Variants in ARHGAP15 observed in about 807,000 individuals in gnomAD.
ARHGAP15 encodes rho GTPase-activating protein 15.
ARHGAP15 carries 51 observed loss-of-function variants against 63.7 expected under a neutral mutation model. The ratio of observed to expected loss-of-function variants is 0.80; its 90% CI spans 0.64 to 1.01. The LOEUF (loss-of-function observed/expected upper bound fraction) is 1.01, where lower values mean the gene tolerates loss of function less well. ARHGAP15 is among the 50% of genes least tolerant of loss of function. The probability of loss-of-function intolerance (pLI) is 0.00; values close to 1 mark genes in which losing one functional copy is unlikely to be tolerated. For missense variants in ARHGAP15, 560 were observed against 564.6 expected (o/e 0.99, Z 0.08); for synonymous variants, 191 against 193.8 (o/e 0.99, Z 0.12).
chr2:143,346,236 T>TCACACACA (rs1050451199), intron 6 of ARHGAP15, among the ~76,000 whole-genome samples: 1 of 82,546 alleles, frequency 1.2e-5, no homozygotes, highest in African/African-American at 4.9e-5. Context: ...ACACTCTCTC[T>TCACACACA]CACACACACA....
At chr2:143,377,709 G>T (rs1686878205) in intron 6 of ARHGAP15, among the ~76,000 whole-genome samples, 1 of 151,990 alleles carries the variant, frequency 6.6e-6, no homozygotes, top group African/African-American at 2.4e-5. Flanking sequence ...TTAATTTACA[G>T]CAATAAATTA....
chr2:143,236,007 AT>A, intron 5 of ARHGAP15: 4 of 1,538,412 alleles, frequency 2.6e-6, no homozygotes, highest in South Asian at 1.2e-5. Context: ...GCAAATCTCC[AT>A]TTTTGGTTAA....
At chr2:143,163,384 ATTTCT>A (rs1195374972) in intron 2 of ARHGAP15, among the ~76,000 whole-genome samples, 1 of 151,624 alleles carries the variant, frequency 6.6e-6, no homozygotes, top group Non-Finnish European at 1.5e-5. Flanking sequence ...ATACACACAC[ATTTCT>A]TTATTTATAT....
intron 6 of ARHGAP15, among the ~76,000 whole-genome samples, chr2:143,273,713 T>C (rs1681411444): frequency 6.6e-6 from 1 of 152,164 alleles, no homozygotes; most frequent in Non-Finnish European, 1.5e-5. Context: ...ATAAATCTCT[T>C]CTGCTAATCT....
chr2:143,217,186 G>A (rs1219794825), intron 4 of ARHGAP15, among the ~76,000 whole-genome samples: 2 of 152,046 alleles, frequency 1.3e-5, no homozygotes, highest in African/African-American at 4.8e-5. Context: ...AAATTAATAG[G>A]ATAAATGTAC....
intron 6 of ARHGAP15, among the ~76,000 whole-genome samples, chr2:143,392,856 TA>T (rs1442302445): frequency 6.6e-6 from 1 of 152,056 alleles, no homozygotes; most frequent in Non-Finnish European, 1.5e-5. Context: ...AATTGTTCAG[TA>T]ATTAGAAACT....
intron 6 of ARHGAP15, among the ~76,000 whole-genome samples, chr2:143,431,003 T>C (rs1015550871): frequency 3.3e-5 from 5 of 152,080 alleles, no homozygotes; most frequent in African/African-American, 9.7e-5. Context: ...TTCTAGGATT[T>C]GAAGGAGTTG....
chr2:143,316,274 A>T (rs1416082981), intron 6 of ARHGAP15, among the ~76,000 whole-genome samples: 2 of 151,882 alleles, frequency 1.3e-5, no homozygotes, highest in East Asian at 3.9e-4. Flanking sequence ...AACAAGCAGT[A>T]TTGACAACTG....
chr2:143,384,124 C>T (rs1390819338), intron 6 of ARHGAP15, among the ~76,000 whole-genome samples: 1 of 152,026 alleles, frequency 6.6e-6, no homozygotes, highest in Non-Finnish European at 1.5e-5. Flanking sequence ...GAAAAAGACT[C>T]TTAAGAATTT....
At chr2:143,665,871 G>C (rs1284163871) in intron 12 of ARHGAP15, among the ~76,000 whole-genome samples, 5 of 145,346 alleles carry the variant, frequency 3.4e-5, no homozygotes, top group Admixed American at 1.4e-4. Context: ...GGGATGTGAA[G>C]GACCTCTTCA....
intron 13 of ARHGAP15, among the ~76,000 whole-genome samples, chr2:143,744,993 G>A (rs1052068366): frequency 8.6e-5 from 13 of 151,978 alleles, no homozygotes; most frequent in African/African-American, 9.7e-5. Flanking sequence ...TCTAAAATCC[G>A]CTTCAAATAT....
chr2:143,609,683 GC>G (rs1467449136), intron 11 of ARHGAP15, among the ~76,000 whole-genome samples: 7 of 151,760 alleles, frequency 4.6e-5, no homozygotes, highest in African/African-American at 1.2e-4. Flanking sequence ...TCTTCTCTTT[GC>G]CCCCCCACCT....
intron 9 of ARHGAP15, among the ~76,000 whole-genome samples, chr2:143,490,503 C>G (rs1298650419): frequency 1.3e-5 from 2 of 152,184 alleles, no homozygotes; most frequent in Admixed American, 6.5e-5. Flanking sequence ...ATCACACAAT[C>G]TAAACTCAAT....
At chr2:143,283,345 T>C (rs1348480823) in intron 6 of ARHGAP15, among the ~76,000 whole-genome samples, 1 of 152,180 alleles carries the variant, frequency 6.6e-6, no homozygotes, top group Non-Finnish European at 1.5e-5. Context: ...CCTCATCTTT[T>C]AAAAATATAG....
At chr2:143,454,897 G>A (rs904971012) in intron 8 of ARHGAP15, among the ~76,000 whole-genome samples, 11 of 152,048 alleles carry the variant, frequency 7.2e-5, no homozygotes, top group African/African-American at 2.7e-4. Flanking sequence ...ACAGACATTT[G>A]TAGGGGAGTT....
chr2:143,302,297 A>G (rs1052922893), intron 6 of ARHGAP15, among the ~76,000 whole-genome samples: 3 of 152,100 alleles, frequency 2.0e-5, no homozygotes, highest in Non-Finnish European at 1.5e-5. Flanking sequence ...TCTTGTCCCT[A>G]TAAGACTGTT....
chr2:143,467,590 G>T (rs1186845523), intron 8 of ARHGAP15, among the ~76,000 whole-genome samples: 1 of 151,998 alleles, frequency 6.6e-6, no homozygotes, highest in Admixed American at 6.6e-5. Flanking sequence ...CAAAACTATT[G>T]TCTGCTTCCA....
At chr2:143,519,191 A>T in intron 9 of ARHGAP15, 75 bp from the exon 10 acceptor site, 2 of 1,130,872 alleles carry the variant, frequency 1.8e-6, no homozygotes, top group Non-Finnish European at 2.7e-6. Context: ...CATGCAATGG[A>T]TATGGAAACG....
chr2:143,146,570 T>A (rs1689599174), intron 1 of ARHGAP15, among the ~76,000 whole-genome samples: 1 of 151,954 alleles, frequency 6.6e-6, no homozygotes, highest in African/African-American at 2.4e-5. Context: ...ATGTGTTCAG[T>A]TTGTGACAGT....
Sources: gnomAD v4.1 joint callset for allele counts (sites outside exome capture counted in the v4.1 genomes callset) on GRCh38, gnomAD v4.1.1 for gene constraint, MANE v1.5 for transcripts, NCBI Gene and HGNC (gene_info 2026-07-23, HGNC 2026-07-21) for gene names.